ABCA2: variants seen among roughly 807,000 people sequenced by gnomAD.
ABCA2 encodes ATP binding cassette subfamily A member 2, also known as ATP-binding cassette sub-family A member 2.
A neutral mutation model predicts 262.8 loss-of-function variants in ABCA2; 84 were observed. The ratio of observed to expected loss-of-function variants is 0.32; its 90% CI spans 0.27 to 0.38. The LOEUF (loss-of-function observed/expected upper bound fraction) is 0.38. ABCA2 is among the 10% of genes least tolerant of loss of function. The pLI is 1.00. For synonymous variants in ABCA2, 1,696 were observed against 1,502.9 expected, an observed-to-expected ratio of 1.13 and a Z score of -2.97; for missense variants, 2,662 against 3,405.9, an observed-to-expected ratio of 0.78 and a Z score of 5.44.
At position 137,013,300 on chromosome 9, in the gene ABCA2, G is replaced by A. The variant is rs753744863; in HGVS notation, c.4569C>T (p.Asp1523=). The part of the protein sequence containing the change: ...RREYRLRLSP[D]ASPQQLVSTF... ...TGCTCACGAGCTGCTGGGGGCTGGC[G>A]TCGGGCGATAGCCGCAGCCTGCGGG... is the stretch of plus-strand genomic sequence containing the variant. Residue 1523 remains aspartate, a synonymous_variant, in exon 30 of 49, where the codon GAC becomes GAT. Coordinates refer to ENST00000341511, the MANE Select transcript of ABCA2 (RefSeq NM_001606.5). The A allele has an allele frequency of 2.5e-5, 39 of 1,562,248 alleles. No individual in the cohort carries two copies. The highest frequency in any genetic ancestry group is 1.8e-4 in the Admixed American group (10 of 56,472).
Position 137,014,676 on chromosome 9 carries a change from TC to T in ABCA2, c.4003+13del. 6.2e-7 allele frequency: 1 copy of T among 1,602,804 alleles called. No homozygotes were observed. The highest frequency in any genetic ancestry group is 8.5e-7 in the Non-Finnish European group (1 of 1,176,196). On this transcript the variant is annotated intron_variant, in intron 26 of 48. Transcript: ENST00000341511. ...TGGGTGGGGTGGGCTGAGCAAGTGGTCCAGGCCCCTCACCGGCCTCACTGTT... is the reference window on the plus strand; with the variant it reads ...TGGGTGGGGTGGGCTGAGCAAGTGGTCAGGCCCCTCACCGGCCTCACTGTT...
chr9:137,023,436 C>T lies in ABCA2; in HGVS notation c.164-384G>A, dbSNP rs371644804. Reference sequence around the variant, plus strand: ...ACCCCCTCTGGGCAGTGACCTCTGACCTCTGGCCAGCTGGTTAGCAGAGTG... The same window carrying T: ...ACCCCCTCTGGGCAGTGACCTCTGATCTCTGGCCAGCTGGTTAGCAGAGTG... On this transcript the variant is annotated intron_variant, in intron 3 of 48. Coordinates refer to ENST00000341511, the MANE Select transcript of ABCA2 (RefSeq NM_001606.5). 3.4e-5 allele frequency: 24 copies of T among 712,416 alleles called. No homozygotes were observed. The African/African-American group carries it at 3.8e-4, about 11-fold the overall frequency. 44.1% of individuals were successfully genotyped at this position (712,416 alleles called of 1,614,324 possible). A position where few individuals can be genotyped will look rare whatever the true frequency, so the allele number is the denominator to read the frequency against.
chr9:137,012,091 G>T lies in ABCA2; in HGVS notation c.5360+11C>A, dbSNP rs1028890921. On this transcript the variant is annotated intron_variant, in intron 34 of 48. Transcript: ENST00000341511. ...ACCTGCCCCACCTCATCCCCCACTGGCCACACTTACAGGTAATCCAGGGAG... is the reference window on the plus strand; with the variant it reads ...ACCTGCCCCACCTCATCCCCCACTGTCCACACTTACAGGTAATCCAGGGAG... 9 of 1,612,518 alleles carry T rather than the reference G, an allele frequency of 5.6e-6. No homozygotes were observed. The African/African-American group carries it at 1.2e-4, about 22-fold the overall frequency.
rs372827090 is a variant in ABCA2 at position 137,025,626 on chromosome 9, C to A, written c.67-1390G>T. 3.9e-5 allele frequency among the ~76,000 whole-genome samples: 6 copies of A among 152,340 alleles called. No homozygotes were observed. In the East Asian group the frequency reaches 9.6e-4, roughly 24 times the overall value. ...ACCCGCTCCCTGAGCCAGGACGGAG[C>A]CCAGGGTTCGCCAAGGCACTGTGGG... On this transcript the variant is annotated intron_variant, in intron 1 of 48. Coordinates refer to ENST00000341511, the MANE Select transcript of ABCA2 (RefSeq NM_001606.5).
chr9:137,012,051 G>T (rs373250757), intron 34 of ABCA2, 33 bp from the exon 35 acceptor site: 1 of 1,612,294 alleles, frequency 6.2e-7, no homozygotes, highest in Admixed American at 1.7e-5. Context: ...CCTCACGGCC[G>T]GGGCTGCAGT....
upstream of ABCA2, chr9:137,028,778 G>A: frequency 7.7e-7 from 1 of 1,291,426 alleles, no homozygotes; most frequent in Non-Finnish European, 1.0e-6. The surrounding 1 kb of genome is among the most constrained non-coding windows in gnomAD (Gnocchi z 6.9). Context: ...CCAGCGGAAG[G>A]GGGGAAACTC....
intron 1 of ABCA2, among the ~76,000 whole-genome samples, chr9:137,025,642 G>A (rs1831629942): frequency 6.6e-6 from 1 of 152,226 alleles, no homozygotes; most frequent in African/African-American, 2.4e-5. Flanking sequence ...GTTCGCCAAG[G>A]CACTGTGGGC....
rs1831192467 is a variant in ABCA2, at chr9:137,014,680, G to A, written c.4003+10C>T. Reference sequence around the variant, plus strand: ...TGGGGTGGGCTGAGCAAGTGGTCCAGGCCCCTCACCGGCCTCACTGTTCTC... The same window carrying A: ...TGGGGTGGGCTGAGCAAGTGGTCCAAGCCCCTCACCGGCCTCACTGTTCTC... On this transcript the variant is annotated intron_variant, in intron 26 of 48. Transcript: ENST00000341511. The A allele has an allele frequency of 6.2e-7, 1 of 1,604,546 alleles. No homozygotes were observed.
At position 137,022,081 on chromosome 9, in the gene ABCA2, GT is replaced by G. The variant is rs1588526508; in HGVS notation, c.568-81del. On this transcript the variant is annotated intron_variant, in intron 6 of 48. Transcript: ENST00000341511. ...GTGGGGGCGTGGCTCCGATGGACGT[GT>G]GGGGGCGTGGCTTAGATGGTGGGGG... The G allele has an allele frequency of 8.4e-6, 7 of 837,034 alleles. No homozygotes were observed. The East Asian group carries it at 1.7e-4, about 20-fold the overall frequency. 51.9% of individuals were successfully genotyped at this position (837,034 alleles called of 1,614,324 possible).
rs1338416912 is a variant in ABCA2, at chr9:137,014,980, C to G, written c.3815G>C (p.Ser1272Thr). The G allele has an allele frequency of 3.2e-6, 5 of 1,584,158 alleles. No individual in the cohort carries two copies. The African/African-American group carries it at 5.4e-5, about 17-fold the overall frequency. ...GGGCAGGATGTAGGAGAGCTCCGTG[C>G]TTGTGTCTGAGACCAGCAGGCAGGA... The part of the protein sequence containing the change: ...VASCLLVSDT[S>T]TELSYILPSE... Residue 1272 changes from serine to threonine, a missense_variant, in exon 25 of 49, where the codon AGC becomes ACC. Ser to Thr is a moderately conservative substitution (Grantham distance 58). Transcript: ENST00000341511.
chr9:137,023,266 C>A, intron 3 of ABCA2: 2 of 633,358 alleles, frequency 3.2e-6, no homozygotes, highest in Non-Finnish European at 5.7e-6. Context: ...GGTCAGAGGT[C>A]AAAGAGCCAC....
At chr9:137,016,899 C>T (rs777795372) in intron 19 of ABCA2, 21 bp downstream of exon 19, 3 of 1,608,378 alleles carry the variant, frequency 1.9e-6, no homozygotes, top group South Asian at 2.2e-5. Flanking sequence ...TCTCCCCTGC[C>T]CTCCAAGGGC....
Position 137,011,190 on chromosome 9 carries a change from C to A in ABCA2, c.5919G>T (p.Lys1973Asn). Residue 1973 changes from lysine (K) to asparagine (N), a missense_variant, in exon 38 of 49, where the codon AAG becomes AAT. Physicochemically the swap from Lys to Asn is moderately conservative, Grantham distance 94 (BLOSUM62 0). Transcript: ENST00000341511. This position sits in a 1 kb window ranked among gnomAD's most constrained non-coding sequence, Gnocchi z 8.8. ...CCGCCCCACGGGCCCCCTCACCAAT[C>A]TTGGCGTAGTACTCGTTGATGTACT... is the stretch of plus-strand genomic sequence containing the variant. ...YNEYINEYYAKIGQFDKMKSP... is the reference protein window; with the variant it reads ...YNEYINEYYANIGQFDKMKSP... The A allele has an allele frequency of 6.2e-7, 1 of 1,612,560 alleles. No homozygotes were observed.
chr9:137,018,260 G>C lies in ABCA2; in HGVS notation c.1911C>G (p.Asn637Lys). The change falls in exon 14 of 49, where the codon AAC becomes AAG. Residue 637 changes from asparagine (N) to lysine (K), a missense_variant. By Grantham distance (94) the Asn-to-Lys change is moderately conservative. This residue lies in a region of ABCA2 where 187 missense variants were observed against 205.9 expected (regional missense o/e 0.91). Coordinates refer to ENST00000341511, the MANE Select transcript of ABCA2 (RefSeq NM_001606.5). ...GCCGCCAGTAGGCGCGGCGGATCTC[G>C]TTGGTTTTCTCGGTGAAGCTGGAGT... ...RQNSSFTEKT[N>K]EIRRAYWRPG... The C allele has an allele frequency of 1.2e-6, 2 of 1,611,030 alleles. No homozygotes were observed. Among genetic ancestry groups the C allele is most frequent in the Non-Finnish European group, 8.5e-7 (1 of 1,179,644 alleles).
chr9:137,022,816 G>A lies in ABCA2; in HGVS notation c.325C>T (p.Leu109=). The A allele has an allele frequency of 5.0e-6, 8 of 1,591,662 alleles. No homozygotes were observed. The highest frequency in any genetic ancestry group is 6.8e-6 in the Non-Finnish European group (8 of 1,170,320). Residue 109 remains leucine (L), a synonymous_variant, in exon 5 of 49, where the codon CTG becomes TTG. Coordinates refer to ENST00000341511, the MANE Select transcript of ABCA2 (RefSeq NM_001606.5). ...RLDRVVEEGN[L]FDPARPSLGS... ...AGGCTGGGCCGCGCTGGGTCAAACA[G>A]GTTGCCTTCCTCCACCACGCGGTCC...
chr9:137,009,042 C>T lies in ABCA2; in HGVS notation c.6839G>A (p.Gly2280Asp). 1 of 1,607,360 alleles carries T rather than the reference C, an allele frequency of 6.2e-7. No homozygotes were observed. ...CTTGGTCCGCACCGTGATCATGTAG[C>T]CATCTCCAAACCTGGTGGGACAGGC... The part of the protein sequence containing the change: ...IQHLKNRFGD[G>D]YMITVRTKSS... The change falls in exon 46 of 49, where the codon GGC (glycine) becomes GAC (aspartate). Residue 2280 changes from glycine to aspartate, a missense_variant. By Grantham distance (94) the Gly-to-Asp change is moderately conservative (BLOSUM62 -1). Around this residue, in one of 12 missense-constraint regions of ABCA2, gnomAD observed 212 missense variants for 214.4 expected, o/e 0.99. Transcript: ENST00000341511.
chr9:137,022,185 GGTGGGGGCATGGCTCAGAGA>G (rs1484265293), intron 6 of ABCA2, among the ~76,000 whole-genome samples, 146 bp downstream of exon 6: 8 of 121,090 alleles, frequency 6.6e-5, no homozygotes, highest in Admixed American at 5.7e-4. Flanking sequence ...TGGCTCAGAT[GGTGGGGGCATGGCTCAGAGA>G]GTGGGGGCGT....
Position 137,007,635 on chromosome 9 carries a change from G to A in ABCA2, c.*294C>T, listed in dbSNP as rs149669599. On this transcript the variant is annotated 3_prime_UTR_variant, in exon 49 of 49. Coordinates refer to ENST00000341511, the MANE Select transcript of ABCA2 (RefSeq NM_001606.5). The stretch of plus-strand genomic sequence containing the variant: ...TCCAGCCGGCGTCGCCTTGGGCGGT[G>A]AGCAGTGCCAGGCAGGGGCGAGGGG... 527 of 523,910 alleles carry A rather than the reference G, an allele frequency of 1.0e-3. 7 individuals are homozygous for A. The East Asian group carries it at 0.017, about 17-fold the overall frequency. The allele number at this position is 523,910 out of a possible 1,614,324, so 32.5% of individuals were successfully genotyped here.
chr9:137,018,628 A>T, intron 13 of ABCA2, 91 bp downstream of exon 13: 1 of 914,214 alleles, frequency 1.1e-6, no homozygotes, highest in Non-Finnish European at 1.5e-6. Context: ...GGCGCGGCCA[A>T]GGAGTGGGAG....
Sources: gnomAD v4.1 joint callset for allele counts (sites outside exome capture counted in the v4.1 genomes callset) on GRCh38, gnomAD v4.1.1 for gene constraint, gnomAD v4.1.1 regional missense constraint, Gnocchi (gnomAD v3.1) non-coding constraint, MANE v1.5 for transcripts, NCBI Gene and HGNC (gene_info 2026-07-23, HGNC 2026-07-21) for gene names.